TTC6: variants seen among roughly 807,000 people sequenced by gnomAD.
The protein encoded by TTC6 is tetratricopeptide repeat domain 6, also known as tetratricopeptide repeat protein 6.
A neutral mutation model predicts 210.4 loss-of-function variants in TTC6; 172 were observed. The observed-to-expected ratio is 0.82, with a 90% CI of 0.72 to 0.93. The LOEUF (loss-of-function observed/expected upper bound fraction) is 0.93, where lower values mean the gene tolerates loss of function less well. Ranked by LOEUF, TTC6 falls within the 40% of genes least tolerant of loss-of-function variation. The probability of loss-of-function intolerance (pLI) is 0.00; values close to 1 mark genes in which losing one functional copy is unlikely to be tolerated. For missense variants in TTC6, 2,414 were observed against 2,318.1 expected (o/e 1.04, Z -0.85); for synonymous variants, 804 against 819.6 (o/e 0.98, Z 0.32).
chr14:37,697,533 G>A (rs1042361185), intron 4 of TTC6, among the ~76,000 whole-genome samples: 2 of 152,050 alleles, frequency 1.3e-5, no homozygotes, highest in Admixed American at 6.6e-5. Context: ...TTTTGTTGTT[G>A]CTTAGGGAAC....
intron 7 of TTC6, among the ~76,000 whole-genome samples, chr14:37,730,767 A>T (rs1321814981): frequency 6.6e-6 from 1 of 152,214 alleles, no homozygotes; most frequent in Non-Finnish European, 1.5e-5. Context: ...CTTGCCAGGC[A>T]GCCTCCAGTC....
In TTC6 at chr14:37,798,302, T is replaced by G. The variant is rs183377615; in HGVS notation, c.4029+1355T>G. On this transcript the variant is annotated intron_variant, in intron 20 of 30. Coordinates refer to ENST00000553443, the Ensembl canonical transcript of TTC6. ...TGTATTGCCCCATTTATTTCACTTT[T>G]TCTTTTGAATAGATTTTACATATCC... Among the ~76,000 whole-genome samples, 384 of 152,204 alleles carry G rather than the reference T, an allele frequency of 2.5e-3. 1 individual carries two copies. The highest frequency in any genetic ancestry group is 8.6e-3 in the African/African-American group (359 of 41,568).
rs546029088 is a variant in TTC6, at chr14:37,680,437, C to T, written c.1050+176C>T. Among the ~76,000 whole-genome samples the T allele has an allele frequency of 4.0e-4, 61 of 152,228 alleles. 1 individual carries two copies. Among genetic ancestry groups the T allele is most frequent in the Non-Finnish European group, 7.1e-4 (48 of 68,014 alleles). On this transcript the variant is annotated intron_variant, in intron 2 of 30. Transcript: ENST00000553443. ...TGGGAGTCTTGGCCATTTTGGCTCA[C>T]TGTTGCTGGCTACCATGGACCTTCT...
At chr14:37,701,643 G>C in intron 5 of TTC6, 117 bp downstream of exon 7, 9 of 1,002,686 alleles carry the variant, frequency 9.0e-6, no homozygotes, top group Non-Finnish European at 1.2e-5. Flanking sequence ...AAAGAGGAGG[G>C]AGCAGTTTTT....
rs1174230182 is a variant in TTC6, at chr14:37,827,462, T to C, written c.5298+96T>C. On this transcript the variant is annotated intron_variant, in intron 29 of 30. Coordinates refer to ENST00000553443, the Ensembl canonical transcript of TTC6. ...TATAATTCATACAATCTCAGGCTAA[T>C]AATGCATTGGCTATTAGCTCTTTTA... is the stretch of plus-strand genomic sequence containing the variant. The C allele has an allele frequency of 6.3e-5, 72 of 1,136,962 alleles. No homozygotes were observed. In the South Asian group the frequency reaches 1.2e-3, roughly 19 times the overall value. 70.4% of individuals were successfully genotyped at this position (1,136,962 alleles called of 1,614,324 possible). A position where few individuals can be genotyped will look rare whatever the true frequency, so the allele number is the denominator to read the frequency against.
At chr14:37,784,185 T>C (rs1370815270) in intron 14 of TTC6, among the ~76,000 whole-genome samples, 1 of 152,204 alleles carries the variant, frequency 6.6e-6, no homozygotes, top group African/African-American at 2.4e-5. Flanking sequence ...TTGTTAACTT[T>C]CTGTCTTGTG....
intron 10 of TTC6, 41 bp from the exon 13 acceptor site, chr14:37,748,898 G>C: frequency 1.4e-6 from 2 of 1,386,980 alleles, no homozygotes; most frequent in Non-Finnish European, 1.9e-6. Flanking sequence ...AAAGATGATT[G>C]TATTTCTGTA....
chr14:37,812,285 G>A (rs1334041816), intron 24 of TTC6, 29 bp from the exon 27 acceptor site: 1 of 1,601,908 alleles, frequency 6.2e-7, no homozygotes, highest in Admixed American at 1.7e-5. Context: ...CTAAAAAGTT[G>A]AATCTATGTT....
In TTC6 at chr14:37,688,546, G is replaced by A. The variant is rs529176942; in HGVS notation, c.1257+5582G>A. Reference sequence around the variant, plus strand: ...GCAGTCCTAGGAATAGGGGCCACAGGGGTGCTTGTGTCACTCCATCCCCAG... The same window carrying A: ...GCAGTCCTAGGAATAGGGGCCACAGAGGTGCTTGTGTCACTCCATCCCCAG... On this transcript the variant is annotated intron_variant, in intron 3 of 30. Transcript: ENST00000553443. 2.0e-5 allele frequency among the ~76,000 whole-genome samples: 3 copies of A among 152,220 alleles called. No homozygotes were observed. The South Asian group carries it at 6.2e-4, about 32-fold the overall frequency.
intron 3 of TTC6, among the ~76,000 whole-genome samples, chr14:37,692,234 A>AAAAAAAAAAAAAAAAAAAAAAAAAAAG (rs2095805223): frequency 6.9e-6 from 1 of 144,382 alleles, no homozygotes; most frequent in Non-Finnish European, 1.5e-5. Flanking sequence ...AAAAAAAAAG[A>AAAAAAAAAAAAAAAAAAAAAAAAAAAG]AAAAAAGAAA....
intron 24 of TTC6, among the ~76,000 whole-genome samples, chr14:37,811,343 T>C (rs1052269953): frequency 6.6e-6 from 1 of 152,234 alleles, no homozygotes; most frequent in African/African-American, 2.4e-5. Context: ...GCAATTTTTA[T>C]TTTTAATTAT....
At chr14:37,748,142 AAGAATAG>A (rs2095941472) in intron 10 of TTC6, among the ~76,000 whole-genome samples, 1 of 152,232 alleles carries the variant, frequency 6.6e-6, no homozygotes, top group Non-Finnish European at 1.5e-5. Context: ...CTGCTCTAAG[AAGAATAG>A]ATGATGGTGG....
intron 1 of TTC6, among the ~76,000 whole-genome samples, chr14:37,627,928 C>G (rs1251617102): frequency 6.6e-6 from 1 of 152,120 alleles, no homozygotes; most frequent in East Asian, 1.9e-4. Flanking sequence ...AAAAGCGTTC[C>G]TATTTCTCCA....
At chr14:37,796,454 G>T (rs1404641400) in intron 19 of TTC6, 84 bp downstream of exon 21, 18 of 588,202 alleles carry the variant, frequency 3.1e-5, no homozygotes, top group Non-Finnish European at 4.8e-5. Flanking sequence ...TAAATAGCAT[G>T]AAGGATCCAA....
intron 7 of TTC6, among the ~76,000 whole-genome samples, chr14:37,731,117 G>A (rs923571619): frequency 3.9e-5 from 6 of 152,280 alleles, no homozygotes; most frequent in East Asian, 1.9e-4. Flanking sequence ...GCTCTTAGGG[G>A]AAGTAGAAGG....
intron 29 of TTC6, among the ~76,000 whole-genome samples, chr14:37,835,976 A>G (rs548240228): frequency 6.6e-6 from 1 of 152,190 alleles, no homozygotes; most frequent in East Asian, 1.9e-4. Flanking sequence ...AAGTCCATTT[A>G]TTCTCATGAC....
upstream of TTC6, among the ~76,000 whole-genome samples, chr14:37,621,217 A>T (rs796370483): frequency 6.6e-6 from 1 of 152,218 alleles, no homozygotes; most frequent in Non-Finnish European, 1.5e-5. Flanking sequence ...TGGCCCTTGC[A>T]CTGACAGACC....
At position 37,725,722 on chromosome 14, in the gene TTC6, G is replaced by T. The variant is rs113032675; in HGVS notation, c.1818+720G>T. ...CCATGTGACTTTAGCTAGTTAAGAA[G>T]AATATTCTGTTTTCTTTTTGAAAGA... On this transcript the variant is annotated intron_variant, in intron 7 of 30. Coordinates refer to ENST00000553443, the Ensembl canonical transcript of TTC6. 6.4e-3 allele frequency among the ~76,000 whole-genome samples: 976 copies of T among 152,144 alleles called. 12 individuals carry two copies. Among genetic ancestry groups the T allele is most frequent in the African/African-American group, 0.022 (922 of 41,518 alleles).
intron 14 of TTC6, among the ~76,000 whole-genome samples, chr14:37,757,374 C>T (rs1197306692): frequency 6.6e-6 from 1 of 152,114 alleles, no homozygotes; most frequent in African/African-American, 2.4e-5. Context: ...CATTCTCCTG[C>T]CTCAGCCTCC....
Sources: gnomAD v4.1 joint callset for allele counts (sites outside exome capture counted in the v4.1 genomes callset) on GRCh38, gnomAD v4.1.1 for gene constraint, MANE v1.5 for transcripts, NCBI Gene and HGNC (gene_info 2026-07-23, HGNC 2026-07-21) for gene names.